Variants in MARCHF10 observed in about 807,000 individuals in gnomAD.
The protein encoded by MARCHF10 is probable E3 ubiquitin-protein ligase MARCHF10.
A neutral mutation model predicts 76.2 loss-of-function variants in MARCHF10; 64 were observed. That is an observed-to-expected ratio of 0.84 (90% CI 0.69 to 1.03). The LOEUF is 1.03. Among genes scored for constraint, MARCHF10 ranks in the 50% least tolerant of loss-of-function variants. MARCHF10 has a pLI of 0.00. For missense variants in MARCHF10, 875 were observed against 958.0 expected (o/e 0.91, Z 1.14); for synonymous variants, 340 against 357.5 (o/e 0.95, Z 0.55).
At chr17:62,747,306 ATT>A (rs2091740867) in intron 4 of MARCHF10, among the ~76,000 whole-genome samples, 1 of 152,122 alleles carries the variant, frequency 6.6e-6, no homozygotes, top group African/African-American at 2.4e-5. Flanking sequence ...AGGTTATTTA[ATT>A]TGTTTTCTTG....
chr17:62,787,019 T>C (rs547288947), intron 3 of MARCHF10, among the ~76,000 whole-genome samples: 2 of 152,356 alleles, frequency 1.3e-5, no homozygotes, highest in African/African-American at 4.8e-5. Context: ...GCTAAAAATA[T>C]GTTGTTCTAG....
At position 62,701,422 on chromosome 17, in the gene MARCHF10, G is replaced by A. The variant is rs1484929252; in HGVS notation, c.*281C>T. The A allele has an allele frequency of 3.4e-6, 2 of 592,716 alleles. No homozygotes were observed. Among genetic ancestry groups the A allele is most frequent in the Non-Finnish European group, 2.8e-6 (1 of 357,802 alleles). 36.7% of individuals were successfully genotyped at this position (592,716 alleles called of 1,614,324 possible). A position where few individuals can be genotyped will look rare whatever the true frequency, so the allele number is the denominator to read the frequency against. On this transcript the variant is annotated 3_prime_UTR_variant, in exon 11 of 11. Coordinates refer to ENST00000311269, the MANE Select transcript of MARCHF10 (RefSeq NM_152598.4). ...AGTGGGACCCCAGGCCACTGGACCT[G>A]GCAGGGCTTCTGGGCTAAGGGGGCA...
Position 62,739,668 on chromosome 17 carries a change from A to ACCGTGCCCGG in MARCHF10, c.536-2346_536-2337dup, listed in dbSNP as rs370519910. Reference sequence around the variant, plus strand: ...AGTGCTGGGATTACAAGTGTGAGCCACCGTGCCCGGCCGGCTGATGACTTT... The same window carrying ACCGTGCCCGG: ...AGTGCTGGGATTACAAGTGTGAGCCACCGTGCCCGGCCGTGCCCGGCCGGCTGATGACTTT... On this transcript the variant is annotated intron_variant, in intron 5 of 10. Transcript: ENST00000311269. Among the ~76,000 whole-genome samples, 1,075 of 152,206 alleles carry ACCGTGCCCGG rather than the reference A, an allele frequency of 7.1e-3. 10 individuals carry two copies. Among genetic ancestry groups the ACCGTGCCCGG allele is most frequent in the African/African-American group, 0.025 (1,026 of 41,506 alleles).
chr17:62,798,795 G>A (rs1372580173), intron 2 of MARCHF10, among the ~76,000 whole-genome samples: 1 of 152,182 alleles, frequency 6.6e-6, no homozygotes. Flanking sequence ...CACGTTCGTG[G>A]ACTGAGCCAA....
intron 10 of MARCHF10, among the ~76,000 whole-genome samples, chr17:62,702,300 CTT>C (rs1215840868): frequency 6.6e-6 from 1 of 151,918 alleles, no homozygotes; most frequent in African/African-American, 2.4e-5. Context: ...CGGGGAAACT[CTT>C]GTCTCAATAT....
chr17:62,707,544 CTGAT>C (rs1399900191), intron 9 of MARCHF10: 1 of 152,286 alleles, frequency 6.6e-6, no homozygotes, highest in Admixed American at 6.5e-5. Flanking sequence ...AGGGCACAAT[CTGAT>C]TGGATGAAAA....
intron 6 of MARCHF10, among the ~76,000 whole-genome samples, chr17:62,725,472 C>T (rs2090713041): frequency 3.9e-5 from 6 of 152,126 alleles, no homozygotes; most frequent in African/African-American, 2.4e-5. Context: ...ACGATGTTGC[C>T]CAGACTGGTC....
chr17:62,736,400 A>C lies in MARCHF10; in HGVS notation c.1468T>G (p.Ser490Ala). Residue 490 changes from serine (S) to alanine (A), a missense_variant, in exon 6 of 11, where the codon TCA becomes GCA. Transcript: ENST00000311269. ...CTGTGAACTGAAGTCGATGACATTG[A>C]CAAGTCTACTGGAATATCATCTCTC... ...ALRDDIPVDL[S>A]MSSTSVHSSD... 1 of 1,614,186 alleles carries C rather than the reference A, an allele frequency of 6.2e-7. No homozygotes were observed. Among genetic ancestry groups the C allele is most frequent in the Non-Finnish European group, 8.5e-7 (1 of 1,180,010 alleles).
At chr17:62,784,261 A>T (rs531957109) in intron 3 of MARCHF10, among the ~76,000 whole-genome samples, 19 of 152,378 alleles carry the variant, frequency 1.2e-4, no homozygotes, top group South Asian at 2.1e-4. Context: ...AAACAGAACC[A>T]ATGACAAAAA....
Position 62,761,119 on chromosome 17 carries a change from G to A in MARCHF10, c.211-1113C>T, listed in dbSNP as rs543074878. Among the ~76,000 whole-genome samples the A allele has an allele frequency of 2.1e-3, 313 of 152,262 alleles. 2 individuals carry two copies. The highest frequency in any genetic ancestry group is 7.4e-3 in the African/African-American group (307 of 41,548). Reference sequence around the variant, plus strand: ...GTAAGACAAACTAAATTCTAAAAAAGTCCTCTACTTGTCAGTCTTCTGTAA... The same window carrying A: ...GTAAGACAAACTAAATTCTAAAAAAATCCTCTACTTGTCAGTCTTCTGTAA... On this transcript the variant is annotated intron_variant, in intron 3 of 10. Transcript: ENST00000311269.
chr17:62,759,488 T>C (rs566285732), intron 4 of MARCHF10, among the ~76,000 whole-genome samples: 17 of 152,328 alleles, frequency 1.1e-4, no homozygotes, highest in African/African-American at 4.1e-4. Context: ...GTTATACTTA[T>C]TTATTTTTGA....
chr17:62,751,648 T>C (rs1406209838), intron 4 of MARCHF10, among the ~76,000 whole-genome samples: 1 of 152,182 alleles, frequency 6.6e-6, no homozygotes, highest in African/African-American at 2.4e-5. Context: ...TGATTTTTAT[T>C]GTCAAAAAAG....
At chr17:62,789,614 C>A (rs1307950339) in intron 2 of MARCHF10, among the ~76,000 whole-genome samples, 3 of 152,134 alleles carry the variant, frequency 2.0e-5, no homozygotes, top group Non-Finnish European at 4.4e-5. Context: ...ATCTTTGAAT[C>A]CCCCAGCATC....
chr17:62,712,674 GTT>G lies in MARCHF10; in HGVS notation c.2215-1332_2215-1331del, dbSNP rs370775016. ...CCTCCTATTTTTAGCCTTTGGTCGTGTTTTTTGTGCTCTGCTGACCTTGGCCT... is the reference window on the plus strand; with the variant it reads ...CCTCCTATTTTTAGCCTTTGGTCGTGTTTTGTGCTCTGCTGACCTTGGCCT... On this transcript the variant is annotated intron_variant, in intron 8 of 10. Transcript: ENST00000311269. This position sits in a 1 kb window ranked among gnomAD's most constrained non-coding sequence, Gnocchi z 4.2. Among the ~76,000 whole-genome samples the G allele has an allele frequency of 2.6e-4, 39 of 152,318 alleles. No homozygotes were observed. In the East Asian group the frequency reaches 6.9e-3, roughly 27 times the overall value.
intron 3 of MARCHF10, among the ~76,000 whole-genome samples, chr17:62,778,575 AC>A (rs1367400359): frequency 6.6e-6 from 1 of 151,854 alleles, no homozygotes; most frequent in Non-Finnish European, 1.5e-5. Context: ...TACTAAAAAC[AC>A]AAAATTAGCC....
At chr17:62,778,839 T>C (rs1445592141) in intron 3 of MARCHF10, among the ~76,000 whole-genome samples, 1 of 151,752 alleles carries the variant, frequency 6.6e-6, no homozygotes, top group Non-Finnish European at 1.5e-5. Context: ...GAAGGCAGAG[T>C]CTAAGATAAT....
At chr17:62,706,737 G>A (rs1272591446) in intron 9 of MARCHF10, among the ~76,000 whole-genome samples, 1 of 152,136 alleles carries the variant, frequency 6.6e-6, no homozygotes, top group East Asian at 1.9e-4. Flanking sequence ...CACACCTGGG[G>A]CAGAAGACAG....
At chr17:62,743,169 G>A (rs1771758542) in intron 5 of MARCHF10, among the ~76,000 whole-genome samples, 1 of 152,302 alleles carries the variant, frequency 6.6e-6, no homozygotes, top group African/African-American at 2.4e-5. Flanking sequence ...TTGCTGGGAG[G>A]AAGAGCTGGC....
chr17:62,733,218 G>T (rs779981464), intron 6 of MARCHF10, among the ~76,000 whole-genome samples: 47 of 151,848 alleles, frequency 3.1e-4, no homozygotes, highest in Admixed American at 1.0e-3. Flanking sequence ...CAGCATTTTG[G>T]GATGCTGAGG....
Sources: gnomAD v4.1 joint callset for allele counts (sites outside exome capture counted in the v4.1 genomes callset) on GRCh38, gnomAD v4.1.1 for gene constraint, Gnocchi (gnomAD v3.1) non-coding constraint, MANE v1.5 for transcripts, NCBI Gene and HGNC (gene_info 2026-07-23, HGNC 2026-07-21) for gene names.